The following FAM13C variants were observed in gnomAD, a reference collection of about 807,000 sequenced individuals.
The protein encoded by FAM13C is family with sequence similarity 13 member C.
A neutral mutation model predicts 73.2 loss-of-function variants in FAM13C; 37 were observed. That is an observed-to-expected ratio of 0.51 (90% confidence interval 0.39 to 0.67). FAM13C has a LOEUF of 0.67. Ranked by LOEUF, FAM13C falls within the 30% of genes least tolerant of loss-of-function variation. FAM13C has a pLI of 0.00. For missense variants in FAM13C, 589 were observed against 715.6 expected, an observed-to-expected ratio of 0.82 and a Z score of 2.02; for synonymous variants, 246 against 260.9, an observed-to-expected ratio of 0.94 and a Z score of 0.55.
intron 4 of FAM13C, among the ~76,000 whole-genome samples, chr10:59,321,432 CTTTTTTTTT>C (rs1057110939): frequency 1.0e-4 from 6 of 58,094 alleles, no homozygotes; most frequent in African/African-American, 1.8e-4. Flanking sequence ...CTGCCAACAC[CTTTTTTTTT>C]TTTTTTTTTT....
intron 3 of FAM13C, among the ~76,000 whole-genome samples, chr10:59,346,398 T>C (rs1044215203): frequency 6.6e-6 from 1 of 152,176 alleles, no homozygotes; most frequent in African/African-American, 2.4e-5. Context: ...AGACTTAGAT[T>C]TCTCTTCAGC....
At chr10:59,361,899 T>C (rs112537227) in intron 1 of FAM13C, among the ~76,000 whole-genome samples, 11 of 152,086 alleles carry the variant, frequency 7.2e-5, no homozygotes, top group Non-Finnish European at 1.5e-4. Context: ...AAGACAAACA[T>C]GACAAAGGGC....
chr10:59,287,811 G>T (rs1845777057), intron 5 of FAM13C, among the ~76,000 whole-genome samples: 1 of 152,206 alleles, frequency 6.6e-6, no homozygotes, highest in Non-Finnish European at 1.5e-5. Context: ...TGTTTAGTAT[G>T]ACTATCTCCA....
At chr10:59,298,784 A>G (rs1165897698) in intron 5 of FAM13C, among the ~76,000 whole-genome samples, 3 of 152,196 alleles carry the variant, frequency 2.0e-5, no homozygotes, top group Non-Finnish European at 4.4e-5. Context: ...TCCTTATTCC[A>G]TCCCTGATGG....
At chr10:59,358,909 C>T (rs1207216591) in intron 1 of FAM13C, among the ~76,000 whole-genome samples, 1 of 152,212 alleles carries the variant, frequency 6.6e-6, no homozygotes, top group African/African-American at 2.4e-5. Flanking sequence ...ATAGAGCTAC[C>T]TCCTGGCTTA....
At chr10:59,260,517 G>T (rs1412901009) in intron 10 of FAM13C, among the ~76,000 whole-genome samples, 1 of 152,126 alleles carries the variant, frequency 6.6e-6, no homozygotes, top group Non-Finnish European at 1.5e-5. Context: ...TTGGCCTGCT[G>T]ATTCTTCTTT....
At chr10:59,360,447 G>T (rs984117133) in intron 1 of FAM13C, among the ~76,000 whole-genome samples, 26 of 152,074 alleles carry the variant, frequency 1.7e-4, no homozygotes, top group African/African-American at 6.3e-4. Flanking sequence ...TCCCTCCTCC[G>T]TGTAGGCCAA....
At chr10:59,332,547 A>G (rs1258690422) in intron 3 of FAM13C, among the ~76,000 whole-genome samples, 1 of 152,232 alleles carries the variant, frequency 6.6e-6, no homozygotes, top group Non-Finnish European at 1.5e-5. Flanking sequence ...TTTTAACTCC[A>G]TAAGGAAAAT....
chr10:59,276,482 T>C (rs2133618413), intron 6 of FAM13C, among the ~76,000 whole-genome samples: 1 of 152,234 alleles, frequency 6.6e-6, no homozygotes, highest in Admixed American at 6.5e-5. Flanking sequence ...ACAACAATCC[T>C]AGGAATTAGA....
intron 3 of FAM13C, 60 bp downstream of exon 3, chr10:59,352,210 G>A (rs934086275): frequency 2.5e-6 from 4 of 1,585,802 alleles, no homozygotes; most frequent in African/African-American, 1.3e-5. Context: ...TGCCAGAACC[G>A]TGTGGCCTAG....
chr10:59,338,105 A>G (rs920140652), intron 3 of FAM13C, among the ~76,000 whole-genome samples: 1 of 152,174 alleles, frequency 6.6e-6, no homozygotes, highest in African/African-American at 2.4e-5. Context: ...AGATATTTTA[A>G]AAGGATTATC....
rs764266918 is a variant in FAM13C, at chr10:59,254,304, T to C, written c.1332+44A>G. 1.4e-5 allele frequency: 18 copies of C among 1,300,704 alleles called. No homozygotes were observed. The South Asian group carries it at 2.3e-4, about 16-fold the overall frequency. The allele number at this position is 1,300,704 out of a possible 1,614,324, so 80.6% of individuals were successfully genotyped here. A position where few individuals can be genotyped will look rare whatever the true frequency, so the allele number is the denominator to read the frequency against. On this transcript the variant is annotated intron_variant, in intron 11 of 13. Coordinates refer to ENST00000618804, the MANE Select transcript of FAM13C (RefSeq NM_198215.4). ...TACTACTATGTGACATCCTGTTAACTACACATCAGTACAAAGTAACAGCAT... is the reference window on the plus strand; with the variant it reads ...TACTACTATGTGACATCCTGTTAACCACACATCAGTACAAAGTAACAGCAT...
intron 4 of FAM13C, among the ~76,000 whole-genome samples, chr10:59,315,071 T>C (rs939974906): frequency 6.6e-6 from 1 of 152,202 alleles, no homozygotes; most frequent in African/African-American, 2.4e-5. Flanking sequence ...TAAGATTCAA[T>C]TGTTACTAAA....
chr10:59,302,464 A>T lies in FAM13C; in HGVS notation c.507+337T>A, dbSNP rs1847716158. 2.0e-5 allele frequency among the ~76,000 whole-genome samples: 3 copies of T among 152,242 alleles called. No individual in the cohort carries two copies. In the South Asian group the frequency reaches 6.2e-4, roughly 31 times the overall value. The stretch of plus-strand genomic sequence containing the variant: ...GCTGTTAGGAAAAACAGAGATGTAG[A>T]CAAAATAAAATTAAGAGAAAATTTT... On this transcript the variant is annotated intron_variant, in intron 5 of 13. Coordinates refer to ENST00000618804, the MANE Select transcript of FAM13C (RefSeq NM_198215.4).
At chr10:59,277,429 G>A (rs1176593785) in intron 6 of FAM13C, among the ~76,000 whole-genome samples, 1 of 152,088 alleles carries the variant, frequency 6.6e-6, no homozygotes, top group Non-Finnish European at 1.5e-5. Flanking sequence ...GAGATCCCTT[G>A]TATACTTTGC....
intron 10 of FAM13C, among the ~76,000 whole-genome samples, chr10:59,255,649 AC>A (rs1024671559): frequency 5.3e-5 from 8 of 152,082 alleles, no homozygotes; most frequent in African/African-American, 1.9e-4. Flanking sequence ...AAGTACACAC[AC>A]CCAAGCATGC....
At position 59,295,494 on chromosome 10, in the gene FAM13C, C is replaced by CTA. The variant is rs140845437; in HGVS notation, c.507+7306_507+7307insTA. Among the ~76,000 whole-genome samples the CTA allele has an allele frequency of 2.2e-3, 341 of 152,236 alleles. 3 individuals are homozygous for CTA. Among genetic ancestry groups the CTA allele is most frequent in the African/African-American group, 7.2e-3 (301 of 41,536 alleles). ...AGCAGGACACACAGTTGCACAACTA[C>CTA]AAGGAACTAAATTCAGGCAATGACC... On this transcript the variant is annotated intron_variant, in intron 5 of 13. Coordinates refer to ENST00000618804, the MANE Select transcript of FAM13C (RefSeq NM_198215.4).
intron 6 of FAM13C, among the ~76,000 whole-genome samples, chr10:59,281,725 G>A (rs1391423034): frequency 6.6e-6 from 1 of 152,088 alleles, no homozygotes; most frequent in Non-Finnish European, 1.5e-5. Context: ...TGCCCATGCC[G>A]AATTAGAAAA....
intron 4 of FAM13C, among the ~76,000 whole-genome samples, chr10:59,304,912 C>T (rs930377962): frequency 6.6e-6 from 1 of 151,314 alleles, no homozygotes; most frequent in African/African-American, 2.4e-5. Flanking sequence ...AAGAGTCTGG[C>T]TTCCTTGGTT....
Sources: allele counts gnomAD v4.1 joint callset (sites outside exome capture counted in the v4.1 genomes callset), GRCh38; gene constraint gnomAD v4.1.1; transcripts MANE v1.5; gene names NCBI Gene and HGNC (gene_info 2026-07-23, HGNC 2026-07-21).